KCNK2: variants seen among roughly 807,000 people sequenced by gnomAD.
KCNK2 encodes potassium channel subfamily K member 2.
In KCNK2, 21 loss-of-function variants were observed where a neutral mutation model predicts 40.5. The observed-to-expected ratio is 0.52, with a 90% CI of 0.37 to 0.75. The LOEUF is 0.75. Among genes scored for constraint, KCNK2 ranks in the 30% least tolerant of loss-of-function variants. The pLI, the probability that KCNK2 is intolerant of heterozygous loss-of-function variation, is 0.00. For missense variants in KCNK2, 399 were observed against 531.6 expected (o/e 0.75, Z 2.45); for synonymous variants, 191 against 202.2 (o/e 0.94, Z 0.47).
At chr1:215,168,089 G>A (rs190165729) in intron 3 of KCNK2, among the ~76,000 whole-genome samples, 1 of 152,238 alleles carries the variant, frequency 6.6e-6, no homozygotes, top group East Asian at 1.9e-4. Flanking sequence ...AGACATTTAT[G>A]TGGCCAAAAA....
At chr1:215,214,310 A>G (rs780867667) in intron 6 of KCNK2, among the ~76,000 whole-genome samples, 1 of 152,104 alleles carries the variant, frequency 6.6e-6, no homozygotes, top group Non-Finnish European at 1.5e-5. Flanking sequence ...CTTTTAAACA[A>G]CCAGATCTTA....
intron 3 of KCNK2, among the ~76,000 whole-genome samples, chr1:215,154,438 TC>T (rs1460859183): frequency 8.5e-5 from 13 of 152,052 alleles, no homozygotes; most frequent in African/African-American, 3.1e-4. Flanking sequence ...TTTTTTTTTT[TC>T]TTGTAAATTT....
At chr1:215,093,456 AATAT>A (rs985281945) in intron 2 of KCNK2, among the ~76,000 whole-genome samples, 6 of 125,214 alleles carry the variant, frequency 4.8e-5, no homozygotes, top group African/African-American at 1.5e-4. Context: ...TAATATATAT[AATAT>A]ATAATGTACA....
At chr1:215,031,806 T>G (rs1478133515) in intron 1 of KCNK2, among the ~76,000 whole-genome samples, 1 of 152,190 alleles carries the variant, frequency 6.6e-6, no homozygotes, top group African/African-American at 2.4e-5. Context: ...CAGGAGTTAT[T>G]TTGTTAATTC....
intron 3 of KCNK2, among the ~76,000 whole-genome samples, chr1:215,139,590 C>T (rs1662081543): frequency 6.6e-6 from 1 of 152,086 alleles, no homozygotes. Flanking sequence ...TTGAGACCAG[C>T]CTAACCAACA....
chr1:215,175,682 G>A (rs1472019142), intron 5 of KCNK2, among the ~76,000 whole-genome samples: 1 of 151,988 alleles, frequency 6.6e-6, no homozygotes, highest in South Asian at 2.1e-4. Context: ...CCCAGTGTCT[G>A]TTGTTGCCAT....
intron 2 of KCNK2, among the ~76,000 whole-genome samples, chr1:215,104,029 G>T (rs1309982231): frequency 6.6e-6 from 1 of 151,834 alleles, no homozygotes; most frequent in South Asian, 2.1e-4. Flanking sequence ...CAAAGAACCA[G>T]CAAAAAATGG....
At chr1:215,191,730 A>G (rs950831302) in intron 5 of KCNK2, among the ~76,000 whole-genome samples, 1 of 152,148 alleles carries the variant, frequency 6.6e-6, no homozygotes, top group African/African-American at 2.4e-5. Flanking sequence ...TTACTGTCCT[A>G]TTATGATTAG....
intron 5 of KCNK2, among the ~76,000 whole-genome samples, chr1:215,181,730 G>C (rs1239324733): frequency 2.0e-5 from 3 of 152,174 alleles, no homozygotes; most frequent in Non-Finnish European, 4.4e-5. Context: ...TTATGGGTAA[G>C]AGCCAGCTGT....
At chr1:215,037,029 C>G (rs1657411766) in intron 1 of KCNK2, among the ~76,000 whole-genome samples, 1 of 59,542 alleles carries the variant, frequency 1.7e-5, no homozygotes, top group Admixed American at 1.7e-4. Flanking sequence ...CCTTATTGTA[C>G]TTGCTAAAAT....
chr1:215,064,617 A>C (rs916057516), intron 1 of KCNK2, among the ~76,000 whole-genome samples: 1 of 152,150 alleles, frequency 6.6e-6, no homozygotes, highest in African/African-American at 2.4e-5. Context: ...AAAGAAATGC[A>C]GGTAACACAG....
intron 1 of KCNK2, among the ~76,000 whole-genome samples, chr1:215,015,022 G>C (rs945056472): frequency 2.0e-5 from 3 of 152,186 alleles, no homozygotes; most frequent in African/African-American, 7.2e-5. Flanking sequence ...CAGGCACAAT[G>C]TGAGAGGTCA....
intron 1 of KCNK2, among the ~76,000 whole-genome samples, chr1:215,062,962 GA>G: frequency 6.6e-6 from 1 of 152,108 alleles, no homozygotes; most frequent in Non-Finnish European, 1.5e-5. Flanking sequence ...GGATAAGAAT[GA>G]AAAGGATAAA....
chr1:215,160,306 G>T (rs1663134755), intron 3 of KCNK2, among the ~76,000 whole-genome samples: 1 of 152,138 alleles, frequency 6.6e-6, no homozygotes, highest in Non-Finnish European at 1.5e-5. Context: ...TCAGAAAAAA[G>T]AAATGTCTGG....
chr1:215,183,928 G>A (rs944933611), intron 5 of KCNK2, among the ~76,000 whole-genome samples: 3 of 152,104 alleles, frequency 2.0e-5, no homozygotes, highest in Non-Finnish European at 4.4e-5. Context: ...GTTAATTAAG[G>A]TTCAACCAGA....
chr1:215,007,804 A>T (rs1271207732), intron 1 of KCNK2, among the ~76,000 whole-genome samples: 4 of 152,298 alleles, frequency 2.6e-5, no homozygotes, highest in Non-Finnish European at 2.9e-5. Flanking sequence ...TATAAGCTTA[A>T]CGTTGGATAA....
chr1:215,206,387 G>A (rs1665314786), intron 6 of KCNK2, among the ~76,000 whole-genome samples: 1 of 152,004 alleles, frequency 6.6e-6, no homozygotes, highest in Admixed American at 6.6e-5. Context: ...AAGAATCACA[G>A]TCTCACATGA....
At chr1:215,221,142 A>C (rs1666154529) in intron 6 of KCNK2, among the ~76,000 whole-genome samples, 1 of 152,228 alleles carries the variant, frequency 6.6e-6, no homozygotes, top group South Asian at 2.1e-4. Context: ...GGCCAAGGCC[A>C]AGGTGGGTGG....
Position 215,212,447 on chromosome 1 carries a change from G to A in KCNK2, c.963+17355G>A, listed in dbSNP as rs532484187. ...ATTTGATTTGAAAGGTGAAATCTATGGCTGAGTGAAGAAAAATGCAGGCAG... is the reference window on the plus strand; with the variant it reads ...ATTTGATTTGAAAGGTGAAATCTATAGCTGAGTGAAGAAAAATGCAGGCAG... On this transcript the variant is annotated intron_variant, in intron 6 of 6. Transcript: ENST00000444842. 1.5e-3 allele frequency among the ~76,000 whole-genome samples: 229 copies of A among 152,220 alleles called. 1 individual carries two copies. Among genetic ancestry groups the A allele is most frequent in the African/African-American group, 5.3e-3 (220 of 41,548 alleles).
Sources: gnomAD v4.1 joint callset for allele counts (sites outside exome capture counted in the v4.1 genomes callset) on GRCh38, gnomAD v4.1.1 for gene constraint, MANE v1.5 for transcripts, NCBI Gene and HGNC (gene_info 2026-07-23, HGNC 2026-07-21) for gene names.